ZNF536: variants seen among roughly 807,000 people sequenced by gnomAD.
The protein encoded by ZNF536 is zinc finger protein 536.
A neutral mutation model predicts 84.5 loss-of-function variants in ZNF536; 13 were observed. The observed-to-expected ratio is 0.15, with a 90% confidence interval of 0.10 to 0.24. The LOEUF (loss-of-function observed/expected upper bound fraction) is 0.24, where lower values mean the gene tolerates loss of function less well. Among genes scored for constraint, ZNF536 ranks in the 10% least tolerant of loss-of-function variants. The pLI is 1.00. For missense variants in ZNF536, 1,536 were observed against 1,747.5 expected (o/e 0.88, Z 2.16); for synonymous variants, 811 against 742.5 (o/e 1.09, Z -1.50).
chr19:30,645,384 T>C (rs1298131332), intron 1 of ZNF536, among the ~76,000 whole-genome samples: 1 of 152,218 alleles, frequency 6.6e-6, no homozygotes, highest in African/African-American at 2.4e-5. Context: ...TAGATCCCAT[T>C]TGTCAATTTT....
At chr19:30,359,767 G>A (rs1232307377) in intron 3 of ZNF536, among the ~76,000 whole-genome samples, 1 of 152,168 alleles carries the variant, frequency 6.6e-6, no homozygotes, top group African/African-American at 2.4e-5. Context: ...CTGCCCTCAC[G>A]TGTAGCTGAT....
intron 3 of ZNF536, among the ~76,000 whole-genome samples, chr19:30,356,951 C>G (rs866761572): frequency 6.6e-6 from 1 of 152,206 alleles, no homozygotes; most frequent in Non-Finnish European, 1.5e-5. Context: ...CCTGGTGGTT[C>G]GAGCATGGTT....
intron 1 of ZNF536, among the ~76,000 whole-genome samples, chr19:30,636,850 A>G (rs1032687078): frequency 2.0e-5 from 3 of 152,178 alleles, no homozygotes; most frequent in Admixed American, 1.3e-4. Flanking sequence ...CCCTGGCCTC[A>G]TGTTTTCCTT....
chr19:30,581,520 A>G (rs1475725231), intron 1 of ZNF536, among the ~76,000 whole-genome samples: 1 of 152,110 alleles, frequency 6.6e-6, no homozygotes, highest in African/African-American at 2.4e-5. Flanking sequence ...GTGGTGGTTG[A>G]AGATTTGGCT....
chr19:30,363,070 A>AG (rs2048324685), intron 3 of ZNF536, among the ~76,000 whole-genome samples: 1 of 151,750 alleles, frequency 6.6e-6, no homozygotes, highest in Non-Finnish European at 1.5e-5. Context: ...AAAAAAAAAA[A>AG]GTGTGAGAGA....
At chr19:30,428,207 A>C (rs2051297506) in intron 1 of ZNF536, among the ~76,000 whole-genome samples, 1 of 152,224 alleles carries the variant, frequency 6.6e-6, no homozygotes, top group Admixed American at 6.5e-5. Flanking sequence ...GGGTGATTGC[A>C]GGCCTGATAG....
chr19:30,418,347 C>A (rs751458571), intron 1 of ZNF536, among the ~76,000 whole-genome samples: 1 of 152,090 alleles, frequency 6.6e-6, no homozygotes, highest in South Asian at 2.1e-4. Context: ...AGGTGAAGTG[C>A]GTTCAGTCAT....
intron 1 of ZNF536, among the ~76,000 whole-genome samples, chr19:30,435,125 A>G (rs907306393): frequency 8.0e-5 from 12 of 150,010 alleles, no homozygotes; most frequent in Admixed American, 1.3e-4. Context: ...GATGGTGATG[A>G]TGATGCTGAT....
At chr19:30,663,655 T>G (rs2050203234) in intron 1 of ZNF536, among the ~76,000 whole-genome samples, 1 of 152,154 alleles carries the variant, frequency 6.6e-6, no homozygotes, top group Non-Finnish European at 1.5e-5. Flanking sequence ...TGTCAAAGAG[T>G]GCAGAATAGG....
At chr19:30,618,230 T>C (rs1390554637) in intron 1 of ZNF536, among the ~76,000 whole-genome samples, 1 of 152,220 alleles carries the variant, frequency 6.6e-6, no homozygotes, top group Non-Finnish European at 1.5e-5. Context: ...TTCAATTGAT[T>C]GTTATGAAGT....
intron 1 of ZNF536, among the ~76,000 whole-genome samples, chr19:30,689,673 C>T (rs970991464): frequency 1.2e-4 from 19 of 152,144 alleles, no homozygotes; most frequent in African/African-American, 4.3e-4. Context: ...CCAGCAGGGA[C>T]CAGGACCATC....
chr19:30,506,031 ACTTTAT>A (rs1333034704), intron 2 of ZNF536, among the ~76,000 whole-genome samples: 1 of 151,090 alleles, frequency 6.6e-6, no homozygotes, highest in African/African-American at 2.4e-5. Context: ...TAATTTTGTT[ACTTTAT>A]CTTTATAAAT....
At chr19:30,287,662 ATGGG>A (rs1471926286) in intron 2 of ZNF536, among the ~76,000 whole-genome samples, 48 of 79,252 alleles carry the variant, frequency 6.1e-4, no homozygotes, top group African/African-American at 3.5e-3. Context: ...GGGTGGATGG[ATGGG>A]TGGGTGGATG....
At chr19:30,417,960 G>A (rs1320921874) in intron 1 of ZNF536, among the ~76,000 whole-genome samples, 1 of 151,972 alleles carries the variant, frequency 6.6e-6, no homozygotes, top group Non-Finnish European at 1.5e-5. Flanking sequence ...TGTTGCCTAG[G>A]CTCGTCTTGA....
chr19:30,460,479 G>A (rs539707799), intron 2 of ZNF536, among the ~76,000 whole-genome samples: 8 of 152,278 alleles, frequency 5.3e-5, no homozygotes, highest in East Asian at 3.9e-4. Flanking sequence ...ACATGGTGAC[G>A]AGGTTCTGTC....
At chr19:30,360,817 C>G (rs545838155) in intron 3 of ZNF536, among the ~76,000 whole-genome samples, 2 of 152,214 alleles carry the variant, frequency 1.3e-5, no homozygotes, top group African/African-American at 2.4e-5. Context: ...GTTTTATTCT[C>G]GAGTCTAACC....
intron 1 of ZNF536, among the ~76,000 whole-genome samples, chr19:30,666,857 T>C (rs960875557): frequency 1.3e-5 from 2 of 151,878 alleles, no homozygotes; most frequent in Non-Finnish European, 2.9e-5. Flanking sequence ...TATGTATGTA[T>C]GTATGTATGC....
chr19:30,378,555 G>A (rs147677678), intron 1 of ZNF536, among the ~76,000 whole-genome samples: 1 of 152,198 alleles, frequency 6.6e-6, no homozygotes, highest in African/African-American at 2.4e-5. Context: ...ACATGCTAGT[G>A]GTGCTGAATC....
intron 1 of ZNF536, among the ~76,000 whole-genome samples, chr19:30,567,782 CT>C (rs2046406132): frequency 6.6e-6 from 1 of 152,148 alleles, no homozygotes; most frequent in Admixed American, 6.5e-5. Context: ...CAGATTATGT[CT>C]TTTAAGGTCC....
Sources: allele counts gnomAD v4.1 joint callset (sites outside exome capture counted in the v4.1 genomes callset), GRCh38; gene constraint gnomAD v4.1.1; transcripts MANE v1.5; gene names NCBI Gene and HGNC (gene_info 2026-07-23, HGNC 2026-07-21).